PPEF1: variants seen among roughly 807,000 people sequenced by gnomAD.
PPEF1 encodes the protein serine/threonine-protein phosphatase with EF-hands 1.
PPEF1 carries 12 observed loss-of-function variants against 53.3 expected under a neutral mutation model. The observed-to-expected ratio is 0.23, with a 90% CI of 0.14 to 0.36. The LOEUF is 0.36. PPEF1 is among the 10% of genes least tolerant of loss of function. The pLI is 1.00. For synonymous variants in PPEF1, 165 were observed against 176.7 expected (o/e 0.93, Z 0.52); for missense variants, 334 against 490.4 (o/e 0.68, Z 3.01).
upstream of PPEF1, among the ~76,000 whole-genome samples, chrX:18,675,141 C>T (rs1928627163): frequency 8.8e-6 from 1 of 113,124 alleles, no homozygotes; most frequent in Non-Finnish European, 1.9e-5. Context: ...CTTGTCTTCC[C>T]TGCCCGCCAC....
upstream of PPEF1, among the ~76,000 whole-genome samples, chrX:18,706,551 C>A (rs1450348786): frequency 9.1e-6 from 1 of 110,259 alleles, no homozygotes; most frequent in African/African-American, 3.3e-5. Flanking sequence ...TCGAGACCAT[C>A]CTGGCCAACA....
chrX:18,683,769 G>A (rs892455084), intron 1 of PPEF1, among the ~76,000 whole-genome samples: 1 of 111,620 alleles, frequency 9.0e-6, no homozygotes, highest in Non-Finnish European at 1.9e-5. Flanking sequence ...TGCCTGGAAC[G>A]TGAGTGTGGT....
intron 3 of PPEF1, among the ~76,000 whole-genome samples, chrX:18,743,713 T>C (rs988822749): frequency 2.8e-4 from 31 of 109,390 alleles, no homozygotes; most frequent in Middle Eastern, 4.7e-3. Flanking sequence ...CCTCCCAAAG[T>C]GCTGGGATTA....
chrX:18,798,632 C>CT (rs765201486), intron 10 of PPEF1, among the ~76,000 whole-genome samples: 498 of 108,932 alleles, frequency 4.6e-3, no homozygotes, highest in Middle Eastern at 0.028. Flanking sequence ...CTGAGCACGG[C>CT]TTTTTTTTTG....
intron 12 of PPEF1, among the ~76,000 whole-genome samples, chrX:18,817,067 C>CGT (rs1391352242): frequency 0.055 from 2,682 of 49,132 alleles, 100 homozygotes; most frequent in African/African-American, 0.14. Context: ...ATCATTTTGC[C>CGT]ATGTGTGTGT....
At chrX:18,727,636 G>T (rs970786184) in intron 1 of PPEF1, among the ~76,000 whole-genome samples, 2 of 110,226 alleles carry the variant, frequency 1.8e-5, no homozygotes, top group Admixed American at 1.9e-4. Context: ...GATAGTGTCA[G>T]ATCCCACAGG....
At chrX:18,694,328 G>A (rs7059239) in intron 4 of PPEF1, among the ~76,000 whole-genome samples, 51,885 of 110,393 alleles carry the variant, frequency 0.47, 9,127 homozygotes, top group African/African-American at 0.53. Context: ...TATGGTAAGT[G>A]TATGTTCAAC....
chrX:18,794,259 G>T (rs183132969), intron 10 of PPEF1, among the ~76,000 whole-genome samples: 1 of 112,793 alleles, frequency 8.9e-6, no homozygotes, highest in Non-Finnish European at 1.9e-5. Flanking sequence ...TCTAGCTGGG[G>T]TACTGTTACT....
At chrX:18,717,049 C>T (rs2044472979) in intron 1 of PPEF1, among the ~76,000 whole-genome samples, 1 of 105,370 alleles carries the variant, frequency 9.5e-6, no homozygotes, top group Non-Finnish European at 1.9e-5. Flanking sequence ...GGTGACTTTC[C>T]TCTTTTTTTC....
chrX:18,697,381 G>T (rs750725075), intron 4 of PPEF1, among the ~76,000 whole-genome samples: 1 of 111,165 alleles, frequency 9.0e-6, no homozygotes, highest in African/African-American at 3.3e-5. Context: ...TAGGAAAGAA[G>T]TTCATTTTGA....
upstream of PPEF1, among the ~76,000 whole-genome samples, chrX:18,675,300 G>A (rs1368332102): frequency 8.8e-6 from 1 of 113,628 alleles, no homozygotes; most frequent in African/African-American, 3.2e-5. Context: ...TTGCGCCCCC[G>A]GCAGCTTCCT....
At chrX:18,811,915 A>G (rs1052385484) in intron 12 of PPEF1, among the ~76,000 whole-genome samples, 1 of 111,042 alleles carries the variant, frequency 9.0e-6, no homozygotes, top group Non-Finnish European at 1.9e-5. Flanking sequence ...CCACTTGTTC[A>G]GTATTTGATT....
Position 18,827,546 on chromosome X carries a change from A to C in PPEF1, c.*59A>C. 1.1e-6 allele frequency: 1 copy of C among 950,608 alleles called. No homozygotes were observed. The highest frequency in any genetic ancestry group is 1.5e-6 in the Non-Finnish European group (1 of 674,700). 78.3% of individuals were successfully genotyped at this position (950,608 alleles called of 1,213,427 possible). On this transcript the variant is annotated 3_prime_UTR_variant, in exon 16 of 16. Transcript: ENST00000470157. ...ACAGCTAGGCCCAAATCACAAGTAC[A>C]GTCCTTTCCAACACCCCTGAAATTC...
chrX:18,682,889 G>A (rs937504271), upstream of PPEF1, among the ~76,000 whole-genome samples: 3 of 111,376 alleles, frequency 2.7e-5, no homozygotes, highest in African/African-American at 9.8e-5. Context: ...CCCAGACTGG[G>A]CAATTTATAA....
chrX:18,698,036 T>G (rs954044748), intron 5 of PPEF1: 1 of 111,971 alleles, frequency 8.9e-6, no homozygotes, highest in Non-Finnish European at 1.9e-5. Context: ...GCTGTTTGAC[T>G]TTAGGCCACA....
intron 12 of PPEF1, among the ~76,000 whole-genome samples, chrX:18,810,076 C>CTG (rs199559695): frequency 0.059 from 5,873 of 99,367 alleles, 164 homozygotes; most frequent in African/African-American, 0.094. Context: ...AAAAAATCCT[C>CTG]TGTGTGTGTG....
intron 6 of PPEF1, among the ~76,000 whole-genome samples, chrX:18,775,097 C>A (rs1288924116): frequency 9.2e-6 from 1 of 108,675 alleles, no homozygotes; most frequent in Non-Finnish European, 1.9e-5. Flanking sequence ...TGATTTTCAT[C>A]ATTTTGATTT....
chrX:18,757,843 A>G (rs1370692860), intron 5 of PPEF1, 102 bp downstream of exon 5: 2 of 531,479 alleles, frequency 3.8e-6, no homozygotes, highest in Non-Finnish European at 6.3e-6. Flanking sequence ...GTGTTAAGGG[A>G]AAAATGTTAA....
intron 7 of PPEF1, 91 bp from the exon 8 acceptor site, chrX:18,782,275 A>G: frequency 1.4e-6 from 1 of 719,046 alleles, no homozygotes; most frequent in Non-Finnish European, 2.1e-6. Flanking sequence ...CTTGTGATAG[A>G]TACTGAGATG....
Sources: allele counts gnomAD v4.1 joint callset (sites outside exome capture counted in the v4.1 genomes callset), GRCh38; gene constraint gnomAD v4.1.1; transcripts MANE v1.5; gene names NCBI Gene and HGNC (gene_info 2026-07-23, HGNC 2026-07-21).